Variants in RECK observed in about 807,000 individuals in gnomAD.
RECK encodes the protein reversion inducing cysteine rich protein with kazal motifs.
A neutral mutation model predicts 115.1 loss-of-function variants in RECK; 69 were observed. The observed-to-expected ratio is 0.60, with a 90% CI of 0.49 to 0.73. RECK has a LOEUF of 0.73. Ranked by LOEUF, RECK falls within the 30% of genes least tolerant of loss-of-function variation. The pLI, the probability that RECK is intolerant of heterozygous loss-of-function variation, is 0.00. For synonymous variants in RECK, 414 were observed against 419.7 expected, an observed-to-expected ratio of 0.99 and a Z score of 0.17; for missense variants, 1,047 against 1,203.7, an observed-to-expected ratio of 0.87 and a Z score of 1.93.
intron 1 of RECK, among the ~76,000 whole-genome samples, chr9:36,051,593 T>C (rs1417432901): frequency 1.3e-5 from 2 of 152,210 alleles, no homozygotes; most frequent in Non-Finnish European, 2.9e-5. Context: ...GATGCCACTC[T>C]CACGGTTAAC....
In RECK at chr9:36,083,551, A is replaced by G. The variant is rs1822819043; in HGVS notation, c.626A>G (p.Asn209Ser). The change falls in exon 8 of 21, where the codon AAC becomes AGC. Residue 209 changes from asparagine to serine, a missense_variant. Physicochemically the swap from Asn to Ser is conservative, Grantham distance 46. Transcript: ENST00000377966. The stretch of plus-strand genomic sequence containing the variant: ...TATACTCAATCTTATCCAATGAGGA[A>G]CCCAACGGATAGTAAGTAAAAGGGA... ...NNYTQSYPMR[N>S]PTDSLYCCDR... 1 of 1,613,160 alleles carries G rather than the reference A, an allele frequency of 6.2e-7. No individual in the cohort carries two copies. Among genetic ancestry groups the G allele is most frequent in the Non-Finnish European group, 8.5e-7 (1 of 1,179,544 alleles).
chr9:36,065,537 C>G lies in RECK; in HGVS notation c.358-40C>G. The G allele has an allele frequency of 2.0e-6, 3 of 1,507,188 alleles. No individual in the cohort carries two copies. In the Admixed American group the frequency reaches 5.8e-5, roughly 29 times the overall value. The allele number at this position is 1,507,188 out of a possible 1,614,324, so 93.4% of individuals were successfully genotyped here. On this transcript the variant is annotated intron_variant, in intron 5 of 20. Transcript: ENST00000377966. ...GTTCTTTTTGCCCTGTGCTGAATAG[C>G]ATGTATAATAAATTAATGGAGAAAT...
chr9:36,118,245 C>T (rs1824336720), intron 17 of RECK, among the ~76,000 whole-genome samples: 1 of 152,134 alleles, frequency 6.6e-6, no homozygotes, highest in African/African-American at 2.4e-5. Flanking sequence ...TCTGTCTTCC[C>T]CTACTTGTTC....
At chr9:36,096,411 C>T (rs7858009) in intron 10 of RECK, among the ~76,000 whole-genome samples, 3,796 of 144,208 alleles carry the variant, frequency 0.026, 172 homozygotes, top group African/African-American at 0.091. Context: ...GTGTCGGGCA[C>T]CTGTAATCCC....
At chr9:36,050,365 C>A (rs1049283407) in intron 1 of RECK, among the ~76,000 whole-genome samples, 1 of 152,092 alleles carries the variant, frequency 6.6e-6, no homozygotes, top group Admixed American at 6.5e-5. Context: ...ATTCTTAATT[C>A]TTTTTCTTCC....
intron 1 of RECK, among the ~76,000 whole-genome samples, chr9:36,046,931 G>T (rs1588266406): frequency 6.6e-6 from 1 of 152,200 alleles, no homozygotes; most frequent in African/African-American, 2.4e-5. Flanking sequence ...TGTTAGTGGA[G>T]TTTTAATTAT....
chr9:36,089,672 C>G (rs1294280414), intron 9 of RECK, among the ~76,000 whole-genome samples: 1 of 152,074 alleles, frequency 6.6e-6, no homozygotes, highest in Non-Finnish European at 1.5e-5. Flanking sequence ...TATAAGATTA[C>G]CTTCAGGCTA....
chr9:36,090,603 G>C (rs542397208), intron 9 of RECK, among the ~76,000 whole-genome samples: 1 of 152,214 alleles, frequency 6.6e-6, no homozygotes, highest in Admixed American at 6.5e-5. Context: ...TAATCATTGA[G>C]TACTAAAAAT....
intron 12 of RECK, among the ~76,000 whole-genome samples, chr9:36,103,510 G>A (rs1823645113): frequency 6.6e-6 from 1 of 152,196 alleles, no homozygotes; most frequent in African/African-American, 2.4e-5. Flanking sequence ...CTTCTCCCTA[G>A]TCACACTGTC....
chr9:36,120,603 G>A (rs909988277), intron 18 of RECK, 60 bp from the exon 19 acceptor site: 56 of 1,355,502 alleles, frequency 4.1e-5, no homozygotes, highest in Non-Finnish European at 5.0e-5. Flanking sequence ...TTTCACTAAG[G>A]ATTTTAAATT....
intron 5 of RECK, among the ~76,000 whole-genome samples, chr9:36,065,228 T>TAAAA (rs561725701): frequency 0.17 from 8,461 of 50,408 alleles, 1,370 homozygotes; most frequent in Non-Finnish European, 0.25. Context: ...GGAATTCAGC[T>TAAAA]AAAAAAAAAA....
Position 36,123,236 on chromosome 9 carries a change from A to G in RECK, c.*191A>G. 1 of 541,958 alleles carries G rather than the reference A, an allele frequency of 1.8e-6. No individual in the cohort carries two copies. Among genetic ancestry groups the G allele is most frequent in the Non-Finnish European group, 3.2e-6 (1 of 308,612 alleles). 33.6% of individuals were successfully genotyped at this position (541,958 alleles called of 1,614,324 possible). The stretch of plus-strand genomic sequence containing the variant: ...TTGTTTTGTTTTTACAAATGTTAAA[A>G]TGTGTTGTTCCAAATACTAATGAAA... On this transcript the variant is annotated 3_prime_UTR_variant, in exon 21 of 21. Coordinates refer to ENST00000377966, the MANE Select transcript of RECK (RefSeq NM_021111.3).
chr9:36,047,279 G>T (rs566461810), intron 1 of RECK, among the ~76,000 whole-genome samples: 1 of 152,234 alleles, frequency 6.6e-6, no homozygotes, highest in African/African-American at 2.4e-5. Context: ...TTAGGAGATG[G>T]ATGTAGTTTC....
rs568670978 is a variant in RECK at position 36,099,511 on chromosome 9, T to A, written c.1086-820T>A. On this transcript the variant is annotated intron_variant, in intron 10 of 20. Transcript: ENST00000377966. ...TAAATAACTTGATAACTACTTTAAA[T>A]TTTGCTTAAATTTTTTTCAACATGG... is the stretch of plus-strand genomic sequence containing the variant. Among the ~76,000 whole-genome samples the A allele has an allele frequency of 4.4e-4, 67 of 152,328 alleles. 2 individuals are homozygous for A. In the South Asian group the frequency reaches 0.013, roughly 30 times the overall value.
At chr9:36,122,687 A>G in intron 20 of RECK, 137 bp from the exon 21 acceptor site, 1 of 638,604 alleles carries the variant, frequency 1.6e-6, no homozygotes, top group Non-Finnish European at 2.8e-6. Context: ...GTTACTTTGG[A>G]TAAGAACAGA....
chr9:36,100,294 T>G lies in RECK; in HGVS notation c.1086-37T>G, dbSNP rs200345302. 1.4e-3 allele frequency: 2,150 copies of G among 1,541,124 alleles called. 7 individuals carry two copies. Among genetic ancestry groups the G allele is most frequent in the Non-Finnish European group, 1.6e-3 (1,841 of 1,119,888 alleles). ...CTTGTTGCTTCTCTCTAGAAAATAA[T>G]TGCCTCTTGATTCTTTCTGGCCTTT... On this transcript the variant is annotated intron_variant, in intron 10 of 20. Coordinates refer to ENST00000377966, the MANE Select transcript of RECK (RefSeq NM_021111.3).
At chr9:36,116,352 C>A (rs1824264615) in intron 16 of RECK, among the ~76,000 whole-genome samples, 1 of 152,080 alleles carries the variant, frequency 6.6e-6, no homozygotes, top group South Asian at 2.1e-4. Flanking sequence ...GGTCTCGACT[C>A]CCGACCTCAG....
chr9:36,053,999 A>G lies in RECK; in HGVS notation c.159+1676A>G, dbSNP rs536034686. 3.9e-5 allele frequency among the ~76,000 whole-genome samples: 6 copies of G among 152,258 alleles called. No individual in the cohort carries two copies. The South Asian group carries it at 1.0e-3, about 26-fold the overall frequency. ...ACTTACTCCCAGAGGAGGAGAGGTA[A>G]GGGCTGTGTTACATATGTTTACTTT... On this transcript the variant is annotated intron_variant, in intron 2 of 20. Coordinates refer to ENST00000377966, the MANE Select transcript of RECK (RefSeq NM_021111.3).
At chr9:36,081,808 A>G (rs1017249323) in intron 7 of RECK, among the ~76,000 whole-genome samples, 3 of 147,008 alleles carry the variant, frequency 2.0e-5, no homozygotes, top group Non-Finnish European at 3.0e-5. Context: ...CACTCCAGCC[A>G]GGGGACAGAG....
Sources: allele counts gnomAD v4.1 joint callset (sites outside exome capture counted in the v4.1 genomes callset), GRCh38; gene constraint gnomAD v4.1.1; transcripts MANE v1.5; gene names NCBI Gene and HGNC (gene_info 2026-07-23, HGNC 2026-07-21).